The following DERL1 variants were observed in gnomAD, a reference collection of about 807,000 sequenced individuals.
DERL1 encodes the protein derlin-1.
Under a neutral mutation model 41.6 loss-of-function variants are expected in DERL1, and 24 were observed. That is an observed-to-expected ratio of 0.58 (90% CI 0.42 to 0.81). The LOEUF (loss-of-function observed/expected upper bound fraction) is 0.81, where lower values mean the gene tolerates loss of function less well. Ranked by LOEUF, DERL1 falls within the 30% of genes least tolerant of loss-of-function variation. The pLI, the probability that DERL1 is intolerant of heterozygous loss-of-function variation, is 0.00. For missense variants in DERL1, 260 were observed against 314.3 expected, an observed-to-expected ratio of 0.83 and a Z score of 1.31; for synonymous variants, 124 against 112.5, an observed-to-expected ratio of 1.10 and a Z score of -0.65.
At chr8:123,030,744 T>C in intron 1 of DERL1, 28 bp from the exon 2 acceptor site, 1 of 1,463,186 alleles carries the variant, frequency 6.8e-7, no homozygotes, top group Non-Finnish European at 9.5e-7. Context: ...AACACAGCTG[T>C]TAGTTTCTGT....
At chr8:123,041,055 A>G (rs1276178283) in intron 1 of DERL1, among the ~76,000 whole-genome samples, 1 of 152,234 alleles carries the variant, frequency 6.6e-6, no homozygotes, top group Non-Finnish European at 1.5e-5. Flanking sequence ...GAGACCACCT[A>G]AAGCTAGGGA....
chr8:123,017,406 TGCTAGG>T (rs1251807854), intron 7 of DERL1: 4 of 152,150 alleles, frequency 2.6e-5, no homozygotes. Context: ...CTGGAGAAAA[TGCTAGG>T]GCTGTCTTGC....
chr8:123,040,769 G>A (rs182401435), intron 1 of DERL1, among the ~76,000 whole-genome samples: 1 of 152,100 alleles, frequency 6.6e-6, no homozygotes. Context: ...TGGGGTGTGA[G>A]AAAAACAAGA....
chr8:123,032,399 T>G (rs934275613), intron 1 of DERL1, among the ~76,000 whole-genome samples: 6 of 152,196 alleles, frequency 3.9e-5, no homozygotes, highest in African/African-American at 1.4e-4. Context: ...CCTCCCAAAG[T>G]GCTGGGATTA....
At chr8:123,038,750 C>G (rs902485734) in intron 1 of DERL1, among the ~76,000 whole-genome samples, 1 of 152,204 alleles carries the variant, frequency 6.6e-6, no homozygotes, top group African/African-American at 2.4e-5. Flanking sequence ...CATGACCACA[C>G]ATTACCCAAC....
intron 7 of DERL1, chr8:123,017,970 A>AAC (rs1385171835): frequency 6.6e-6 from 1 of 152,174 alleles, no homozygotes; most frequent in Non-Finnish European, 1.5e-5. Flanking sequence ...CTTAAAGAAA[A>AAC]ACACACACAC....
At chr8:123,024,427 C>T (rs1348838413) in intron 3 of DERL1, among the ~76,000 whole-genome samples, 1 of 152,154 alleles carries the variant, frequency 6.6e-6, no homozygotes, top group East Asian at 1.9e-4. Context: ...GGACCTGAGA[C>T]ATCGAGAGCT....
chr8:123,036,233 T>A (rs2130493868), intron 1 of DERL1, among the ~76,000 whole-genome samples: 1 of 152,316 alleles, frequency 6.6e-6, no homozygotes. Context: ...AACTGGAAAC[T>A]GCCCAAAAGG....
rs76179558 is a variant in DERL1 at position 123,019,071 on chromosome 8, T to A, written c.617+124A>T. 1.7e-3 allele frequency: 1,200 copies of A among 717,434 alleles called. 12 individuals carry two copies. In the African/African-American group the frequency reaches 0.019, roughly 11 times the overall value. The allele number at this position is 717,434 out of a possible 1,614,324, so 44.4% of individuals were successfully genotyped here. A position where few individuals can be genotyped will look rare whatever the true frequency, so the allele number is the denominator to read the frequency against. On this transcript the variant is annotated intron_variant, in intron 7 of 7. Transcript: ENST00000259512. The stretch of plus-strand genomic sequence containing the variant: ...CTGTGTGACTAGGGTAAGTCACTTG[T>A]TGCCTCAGGTTTCTCCAGCAGATGG...
Position 123,030,681 on chromosome 8 carries a change from A to T in DERL1, c.189T>A (p.Pro63=). 1.2e-6 allele frequency: 2 copies of T among 1,613,036 alleles called. No individual in the cohort carries two copies. Among genetic ancestry groups the T allele is most frequent in the Non-Finnish European group, 1.7e-6 (2 of 1,179,696 alleles). The change falls in exon 2 of 8, where the codon CCT becomes CCA. Residue 63 remains proline, a synonymous_variant. Coordinates refer to ENST00000259512, the MANE Select transcript of DERL1 (RefSeq NM_024295.6). ...AAAGAAATCCAGTTCCTGGACCCAC[A>T]GGGAAATAAAAGGTGGCAGTGATTG... The part of the protein sequence containing the change: ...WRPITATFYF[P]VGPGTGFLYL...
Position 123,024,097 on chromosome 8 carries a change from C to T in DERL1, c.331-358G>A, listed in dbSNP as rs188240627. Among the ~76,000 whole-genome samples the T allele has an allele frequency of 5.8e-4, 88 of 152,260 alleles. 1 individual carries two copies. Among genetic ancestry groups the T allele is most frequent in the Admixed American group, 2.4e-3 (36 of 15,300 alleles). ...TCTTCATTATGCATATTCCATTAGA[C>T]GATACCATGACAAGGACATAGTAGA... On this transcript the variant is annotated intron_variant, in intron 3 of 7. Coordinates refer to ENST00000259512, the MANE Select transcript of DERL1 (RefSeq NM_024295.6).
At position 123,034,306 on chromosome 8, in the gene DERL1, A is replaced by G. The variant is rs552822153; in HGVS notation, c.154-3590T>C. ...GAAACGTGTATTAAACCAGAAAAAT[A>G]AAATAGTTTAACATTTGGTTTGATT... On this transcript the variant is annotated intron_variant, in intron 1 of 7. Coordinates refer to ENST00000259512, the MANE Select transcript of DERL1 (RefSeq NM_024295.6). Among the ~76,000 whole-genome samples the G allele has an allele frequency of 4.6e-5, 7 of 152,358 alleles. No homozygotes were observed. The East Asian group carries it at 1.3e-3, about 29-fold the overall frequency.
At chr8:123,026,741 T>C (rs989731138) in intron 2 of DERL1, among the ~76,000 whole-genome samples, 11 of 152,062 alleles carry the variant, frequency 7.2e-5, no homozygotes, top group African/African-American at 2.7e-4. Flanking sequence ...TCTCTACACG[T>C]TCATAGCAGC....
At chr8:123,025,502 AGAG>A (rs1812663958) in intron 2 of DERL1, 1 of 144,440 alleles carries the variant, frequency 6.9e-6, no homozygotes, top group Admixed American at 7.2e-5. Context: ...AAGTTCTGTC[AGAG>A]GAGGAACCAT....
rs149704655 is a variant in DERL1 at position 123,015,484 on chromosome 8, T to A, written c.719A>T (p.His240Leu). 6.2e-7 allele frequency: 1 copy of A among 1,613,682 alleles called. No individual in the cohort carries two copies. Among genetic ancestry groups the A allele is most frequent in the Non-Finnish European group, 8.5e-7 (1 of 1,179,854 alleles). Residue 240 changes from histidine to leucine, a missense_variant, in exon 8 of 8, where the codon CAC (histidine) becomes CTC (leucine). Transcript: ENST00000259512. Reference sequence around the variant, plus strand: ...AAGTCGAAAGCCCTGGCCCCAGTTGTGTCTCCCGCCTCCGCCATTCTGATC... The same window carrying A: ...AAGTCGAAAGCCCTGGCCCCAGTTGAGTCTCCCGCCTCCGCCATTCTGATC... ...AADQNGGGGR[H>L]NWGQGFRLGD...
At chr8:123,027,825 G>C (rs772976356) in intron 2 of DERL1, among the ~76,000 whole-genome samples, 6 of 152,186 alleles carry the variant, frequency 3.9e-5, no homozygotes, top group African/African-American at 1.2e-4. Context: ...ACTTTGGGAG[G>C]CTGAGGCAGG....
At chr8:123,021,572 G>A in intron 5 of DERL1, 73 bp from the exon 6 acceptor site, 1 of 1,379,678 alleles carries the variant, frequency 7.2e-7, no homozygotes, top group African/African-American at 1.4e-5. Context: ...GGGGACTAAA[G>A]TGGGTAAGGA....
At chr8:123,028,729 C>G (rs1350744378) in intron 2 of DERL1, among the ~76,000 whole-genome samples, 2 of 152,156 alleles carry the variant, frequency 1.3e-5, no homozygotes, top group African/African-American at 4.8e-5. Context: ...ATGATCCACA[C>G]TTAATCTATT....
At chr8:123,020,039 T>G (rs1426010766) in intron 6 of DERL1, among the ~76,000 whole-genome samples, 1 of 152,270 alleles carries the variant, frequency 6.6e-6, no homozygotes, top group Non-Finnish European at 1.5e-5. Flanking sequence ...GAACATGCTT[T>G]GCTCTAAACA....
Sources: allele counts gnomAD v4.1 joint callset (sites outside exome capture counted in the v4.1 genomes callset), GRCh38; gene constraint gnomAD v4.1.1; transcripts MANE v1.5; gene names NCBI Gene and HGNC (gene_info 2026-07-23, HGNC 2026-07-21).